The following ST6GALNAC4 variants were observed in gnomAD, a reference collection of about 807,000 sequenced individuals.
ST6GALNAC4 encodes the protein alpha-N-acetyl-neuraminyl-2,3-beta-galactosyl-1,3-N-acetyl-galactosaminide alpha-2,6-sialyltransferase.
Under a neutral mutation model 30.4 loss-of-function variants are expected in ST6GALNAC4, and 24 were observed. The observed-to-expected ratio is 0.79, with a 90% CI of 0.57 to 1.11. The LOEUF (loss-of-function observed/expected upper bound fraction) is 1.11. Among genes scored for constraint, ST6GALNAC4 ranks in the 50% most tolerant of loss-of-function variants. The probability of loss-of-function intolerance (pLI) is 0.00; values close to 1 mark genes in which losing one functional copy is unlikely to be tolerated. For missense variants in ST6GALNAC4, 365 were observed against 430.1 expected, an observed-to-expected ratio of 0.85 and a Z score of 1.34; for synonymous variants, 156 against 179.7, an observed-to-expected ratio of 0.87 and a Z score of 1.05.
At chr9:127,910,464 T>A (rs529485296) in intron 4 of ST6GALNAC4, 1 of 1,024,994 alleles carries the variant, frequency 9.8e-7, no homozygotes, top group Non-Finnish European at 1.2e-6. Context: ...GATCTTCCAC[T>A]TGAACCCTGG....
chr9:127,911,114 C>T (rs367566097), intron 4 of ST6GALNAC4, among the ~76,000 whole-genome samples: 10 of 152,088 alleles, frequency 6.6e-5, no homozygotes, highest in Non-Finnish European at 1.3e-4. Flanking sequence ...GAGCCCCAGA[C>T]GGCCAGTATG....
chr9:127,916,784 A>G, intron 1 of ST6GALNAC4, 42 bp downstream of exon 1: 1 of 376,740 alleles, frequency 2.7e-6, no homozygotes, highest in Non-Finnish European at 4.9e-6. Context: ...GGTCTGGGGC[A>G]GAGAGAGCCA....
At position 127,908,463 on chromosome 9, in the gene ST6GALNAC4, TCTCAGTGATGAAGCGGTGGGCGCTTCG is replaced by T. The variant is rs755323151; in HGVS notation, c.811_837del (p.Arg271_Glu279del). On this transcript the variant is annotated inframe_deletion, in exon 6 of 6. Transcript: ENST00000335791. ...TTGGCCCAGCGGGAGAAGACCGCCT[TCTCAGTGATGAAGCGGTGGGCGCTTCG>T]GGGCGCCTGCTCGTGTGCCAGGTAC... 5.6e-6 allele frequency: 9 copies of T among 1,607,976 alleles called. No homozygotes were observed. The highest frequency in any genetic ancestry group is 7.7e-6 in the Non-Finnish European group (9 of 1,175,550).
chr9:127,914,868 G>T (rs1409915053), intron 2 of ST6GALNAC4, 27 bp from the exon 3 acceptor site: 2 of 1,441,884 alleles, frequency 1.4e-6, no homozygotes, highest in Non-Finnish European at 1.8e-6. Context: ...CCATGGGGGG[G>T]TGTATGTGGG....
chr9:127,911,752 T>C (rs962804750), intron 4 of ST6GALNAC4, among the ~76,000 whole-genome samples: 2 of 152,218 alleles, frequency 1.3e-5, no homozygotes, highest in Admixed American at 1.3e-4. Flanking sequence ...CCCAAAGTGC[T>C]CGGATTACAG....
intron 4 of ST6GALNAC4, 141 bp downstream of exon 4, chr9:127,912,127 C>A (rs1236834577): frequency 6.8e-6 from 7 of 1,022,508 alleles, no homozygotes; most frequent in Non-Finnish European, 8.4e-6. Flanking sequence ...TCCTGCCCCC[C>A]ATTAGAGGGC....
chr9:127,911,383 G>A (rs1831070926), intron 4 of ST6GALNAC4, among the ~76,000 whole-genome samples: 1 of 152,220 alleles, frequency 6.6e-6, no homozygotes, highest in Admixed American at 6.5e-5. Flanking sequence ...GGAGGGGCTG[G>A]CAAGAGTCAT....
chr9:127,911,296 AATT>A (rs1267478858), intron 4 of ST6GALNAC4, among the ~76,000 whole-genome samples: 1 of 152,162 alleles, frequency 6.6e-6, no homozygotes, highest in Non-Finnish European at 1.5e-5. Context: ...GGCACAGCCC[AATT>A]TTCTGGGGGA....
chr9:127,908,569 G>A lies in ST6GALNAC4; in HGVS notation c.732C>T (p.His244=). The change falls in exon 6 of 6, where the codon CAC becomes CAT. Residue 244 remains histidine (H), a synonymous_variant. Coordinates refer to ENST00000335791, the MANE Select transcript of ST6GALNAC4 (RefSeq NM_175039.4). ...CAAAGTAGTGGTAAGGCACTGAGGGGTGGCTCTTCTCCCTGCGGGGTGGGG... is the reference window on the plus strand; with the variant it reads ...CAAAGTAGTGGTAAGGCACTGAGGGATGGCTCTTCTCCCTGCGGGGTGGGG... ...VSDSYCREKS[H]PSVPYHYFEK... 2.5e-6 allele frequency: 4 copies of A among 1,578,034 alleles called. No homozygotes were observed. The highest frequency in any genetic ancestry group is 3.5e-6 in the Non-Finnish European group (4 of 1,153,516).
chr9:127,908,449 G>A lies in ST6GALNAC4; in HGVS notation c.852C>T (p.Ser284=), dbSNP rs1830985323. 3 of 1,603,620 alleles carry A rather than the reference G, an allele frequency of 1.9e-6. No homozygotes were observed. The highest frequency in any genetic ancestry group is 2.7e-5 in the African/African-American group (2 of 74,766). The change falls in exon 6 of 6, where the codon TCC becomes TCT. Residue 284 remains serine (S), a synonymous_variant. Coordinates refer to ENST00000335791, the MANE Select transcript of ST6GALNAC4 (RefSeq NM_175039.4). ...HRFITEKAVF[S]RWAKKRPIVF... ...CGATGGGCCTCTTCTTGGCCCAGCG[G>A]GAGAAGACCGCCTTCTCAGTGATGA...
intron 4 of ST6GALNAC4, 91 bp from the exon 5 acceptor site, chr9:127,910,149 G>A (rs1255479773): frequency 6.0e-5 from 91 of 1,526,010 alleles, no homozygotes; most frequent in South Asian, 4.7e-4. Context: ...TTGCCAGCCC[G>A]GGGCTATGCA....
intron 3 of ST6GALNAC4, among the ~76,000 whole-genome samples, chr9:127,914,095 C>CA (rs139937370): frequency 0.013 from 1,915 of 147,034 alleles, 43 homozygotes; most frequent in African/African-American, 0.043. Context: ...AACAAACAAA[C>CA]AAAAAAAAAC....
chr9:127,909,304 G>A (rs892778813), intron 5 of ST6GALNAC4, among the ~76,000 whole-genome samples: 5 of 151,336 alleles, frequency 3.3e-5, no homozygotes, highest in Admixed American at 2.6e-4. Context: ...CAGGAGAATC[G>A]CTTGAACCCG....
In ST6GALNAC4 at chr9:127,908,494, C is replaced by T. The variant is rs376770593; in HGVS notation, c.807G>A (p.Ala269=). 7.5e-6 allele frequency: 12 copies of T among 1,610,224 alleles called. No individual in the cohort carries two copies. The highest frequency in any genetic ancestry group is 6.7e-5 in the East Asian group (3 of 44,714). The change falls in exon 6 of 6, where the codon GCG becomes GCA. Residue 269 remains alanine, a synonymous_variant. Coordinates refer to ENST00000335791, the MANE Select transcript of ST6GALNAC4 (RefSeq NM_175039.4). The part of the protein sequence containing the change: ...ECQMYLAHEQ[A]PRSAHRFITE... ...TGATGAAGCGGTGGGCGCTTCGGGG[C>T]GCCTGCTCGTGTGCCAGGTACATCT...
intron 2 of ST6GALNAC4, among the ~76,000 whole-genome samples, chr9:127,915,108 T>A (rs145472155): frequency 3.7e-4 from 56 of 152,180 alleles, no homozygotes; most frequent in Middle Eastern, 6.8e-3. Context: ...TACAAGGCCA[T>A]ACAGCAAAGA....
intron 4 of ST6GALNAC4, 132 bp from the exon 5 acceptor site, chr9:127,910,190 G>A: frequency 6.9e-7 from 1 of 1,451,978 alleles, no homozygotes; most frequent in Non-Finnish European, 9.1e-7. Flanking sequence ...CTCTGGGGGA[G>A]GCTGGGGAGG....
intron 4 of ST6GALNAC4, among the ~76,000 whole-genome samples, chr9:127,911,515 G>A (rs945831640): frequency 3.3e-5 from 5 of 152,106 alleles, no homozygotes; most frequent in African/African-American, 7.2e-5. Flanking sequence ...ACAGAGTCTC[G>A]CTCTGTCACC....
Position 127,910,058 on chromosome 9 carries a change from C to T in ST6GALNAC4, c.612G>A (p.Arg204=). 6.2e-7 allele frequency: 1 copy of T among 1,613,210 alleles called. No individual in the cohort carries two copies. Among genetic ancestry groups the T allele is most frequent in the Non-Finnish European group, 8.5e-7 (1 of 1,179,846 alleles). ...TGCTGAGGAAGGAGCCCGACTGCCT[C>T]CTGGGGGTGGCGGGGGGACAGGGGG... ...QIFQDETGKN[R]RQSGSFLSTG... Residue 204 remains arginine (R), a splice_region_variant and synonymous_variant, in exon 5 of 6, where the codon CGG becomes CGA. Transcript: ENST00000335791.
At chr9:127,910,385 C>T (rs1831050073) in intron 4 of ST6GALNAC4, 2 of 1,109,060 alleles carry the variant, frequency 1.8e-6, no homozygotes, top group Non-Finnish European at 2.2e-6. Flanking sequence ...GGGACCAGGC[C>T]TGGGGAGACA....
Sources: gnomAD v4.1 joint callset for allele counts (sites outside exome capture counted in the v4.1 genomes callset) on GRCh38, gnomAD v4.1.1 for gene constraint, MANE v1.5 for transcripts, NCBI Gene and HGNC (gene_info 2026-07-23, HGNC 2026-07-21) for gene names.